The following SDR16C5 variants were observed in gnomAD, a reference collection of about 807,000 sequenced individuals.
SDR16C5 encodes short chain dehydrogenase/reductase family 16C member 5, also known as epidermal retinol dehydrogenase 2.
Under a neutral mutation model 27.7 loss-of-function variants are expected in SDR16C5, and 20 were observed. The ratio of observed to expected loss-of-function variants is 0.72; its 90% confidence interval spans 0.51 to 1.05. The LOEUF (loss-of-function observed/expected upper bound fraction) is 1.05, where lower values mean the gene tolerates loss of function less well. SDR16C5 is among the 50% of genes least tolerant of loss of function. The pLI, the probability that SDR16C5 is intolerant of heterozygous loss-of-function variation, is 0.00. For synonymous variants in SDR16C5, 139 were observed against 132.3 expected (o/e 1.05, Z -0.35); for missense variants, 374 against 366.3 (o/e 1.02, Z -0.17).
In SDR16C5 at chr8:56,301,495, T is replaced by C; in HGVS notation, c.915A>G (p.Gln305=). 1 of 1,613,848 alleles carries C rather than the reference T, an allele frequency of 6.2e-7. No homozygotes were observed. Among genetic ancestry groups the C allele is most frequent in the East Asian group, 2.2e-5 (1 of 44,886 alleles). ...ILHAMDGFVD[Q]KKKL ...GAGTTGGTCTTTAGAGCTTCTTCTT[T>C]TGGTCAACAAAGCCATCCATTGCAT... Residue 305 remains glutamine, a synonymous_variant, in exon 7 of 7, where the codon CAA becomes CAG. Coordinates refer to ENST00000303749, the MANE Select transcript of SDR16C5 (RefSeq NM_138969.4).
intron 1 of SDR16C5, among the ~76,000 whole-genome samples, chr8:56,317,509 C>A (rs1815231257): frequency 6.6e-6 from 1 of 152,164 alleles, no homozygotes; most frequent in South Asian, 2.1e-4. Context: ...GGGTGGGAGC[C>A]TTCTCTGAAT....
rs1815183481 is a variant in SDR16C5, at chr8:56,316,003, C to A, written c.333+12G>T. On this transcript the variant is annotated intron_variant, in intron 2 of 6. Coordinates refer to ENST00000303749, the MANE Select transcript of SDR16C5 (RefSeq NM_138969.4). Reference sequence around the variant, plus strand: ...GTGTATCAAATTATAATAGTAAACACACAAGAGTTACCTGGTCGGCTACTC... The same window carrying A: ...GTGTATCAAATTATAATAGTAAACAAACAAGAGTTACCTGGTCGGCTACTC... 1.3e-6 allele frequency: 2 copies of A among 1,582,704 alleles called. No homozygotes were observed. Among genetic ancestry groups the A allele is most frequent in the African/African-American group, 2.7e-5 (2 of 74,158 alleles).
At position 56,305,700 on chromosome 8, in the gene SDR16C5, G is replaced by A. The variant is rs374563478; in HGVS notation, c.733C>T (p.Leu245=). Residue 245 remains leucine (L), a synonymous_variant, in exon 6 of 7, where the codon CTG becomes TTG. Coordinates refer to ENST00000303749, the MANE Select transcript of SDR16C5 (RefSeq NM_138969.4). ...TTGCPSLLPI[L]EPKYAVEKIV... ...TTTTCAACTGCATATTTTGGTTCCA[G>A]AATTGGCAACAGAGAAGGACAGCTA... 2 of 1,594,444 alleles carry A rather than the reference G, an allele frequency of 1.3e-6. No homozygotes were observed. The highest frequency in any genetic ancestry group is 1.7e-6 in the Non-Finnish European group (2 of 1,173,920).
At chr8:56,306,510 A>G (rs1258354280) in intron 5 of SDR16C5, among the ~76,000 whole-genome samples, 166 bp downstream of exon 5, 1 of 152,194 alleles carries the variant, frequency 6.6e-6, no homozygotes, top group East Asian at 1.9e-4. Flanking sequence ...TCAACTTGGT[A>G]TCCTTCACAC....
chr8:56,303,666 TA>T (rs1361125341), intron 6 of SDR16C5, among the ~76,000 whole-genome samples: 2 of 152,240 alleles, frequency 1.3e-5, no homozygotes. Context: ...ACCTTGCCTT[TA>T]GCTTACTCAG....
chr8:56,318,802 C>G (rs1030929332), intron 1 of SDR16C5, among the ~76,000 whole-genome samples: 2 of 152,156 alleles, frequency 1.3e-5, no homozygotes, highest in African/African-American at 4.8e-5. Flanking sequence ...TACTAGATTT[C>G]TAAGAGCTTG....
At chr8:56,307,817 G>T (rs1314845420) in intron 4 of SDR16C5, among the ~76,000 whole-genome samples, 1 of 152,198 alleles carries the variant, frequency 6.6e-6, no homozygotes, top group African/African-American at 2.4e-5. Flanking sequence ...TGGTTCTGAT[G>T]CAGGGGAGTA....
In SDR16C5 at chr8:56,306,754, T is replaced by C. The variant is rs755254573; in HGVS notation, c.632A>G (p.Gln211Arg). Residue 211 changes from glutamine to arginine, a missense_variant, in exon 5 of 7, where the codon CAA becomes CGA. By Grantham distance (43) the Gln-to-Arg change is conservative (BLOSUM62 1). Transcript: ENST00000303749. ...CGTGGTTTTGATCCCCTTTTGTTTT[T>C]GGACAAATGTTTCTACAAATACAGA... is the stretch of plus-strand genomic sequence containing the variant. The part of the protein sequence containing the change: ...AESVFVETFV[Q>R]KQKGIKTTIV... The C allele has an allele frequency of 1.9e-6, 3 of 1,613,594 alleles. No homozygotes were observed. Among genetic ancestry groups the C allele is most frequent in the South Asian group, 2.2e-5 (2 of 90,854 alleles).
intron 6 of SDR16C5, 124 bp downstream of exon 6, chr8:56,305,473 C>T (rs1385528122): frequency 2.3e-6 from 2 of 875,212 alleles, no homozygotes; most frequent in African/African-American, 1.8e-5. Context: ...ACTAACAGGA[C>T]TTAATAGAAT....
chr8:56,301,895 G>C (rs779809786), intron 6 of SDR16C5, among the ~76,000 whole-genome samples: 27 of 152,182 alleles, frequency 1.8e-4, no homozygotes, highest in Non-Finnish European at 3.5e-4. Flanking sequence ...TTTGGGGGCA[G>C]ATGAGCCTGG....
At position 56,308,978 on chromosome 8, in the gene SDR16C5, A is replaced by G; in HGVS notation, c.515T>C (p.Leu172Ser). The stretch of plus-strand genomic sequence containing the variant: ...TCCAGCTGAACTTGAAATGCAAACC[A>G]AATGTCCATGGTCATTAGCAATCAT... ...PAMIANDHGH[L>S]VCISSSAGLS... Residue 172 changes from leucine to serine, a missense_variant, in exon 4 of 7, where the codon TTG becomes TCG. Transcript: ENST00000303749. The G allele has an allele frequency of 6.2e-7, 1 of 1,613,098 alleles. No individual in the cohort carries two copies. Among genetic ancestry groups the G allele is most frequent in the Non-Finnish European group, 8.5e-7 (1 of 1,179,584 alleles).
rs1814902218 is a variant in SDR16C5, at chr8:56,306,955, T to C, written c.566-135A>G. 4.7e-5 allele frequency: 35 copies of C among 743,582 alleles called. 1 individual carries two copies. In the South Asian group the frequency reaches 7.1e-4, roughly 15 times the overall value. 46.1% of individuals were successfully genotyped at this position (743,582 alleles called of 1,614,324 possible). A position where few individuals can be genotyped will look rare whatever the true frequency, so the allele number is the denominator to read the frequency against. ...CTCCTTTTGTGTAATCTTGGTCTAC[T>C]CCCACTGGAAGAAGTGAGCAGGGAG... On this transcript the variant is annotated intron_variant, in intron 4 of 6. Transcript: ENST00000303749.
intron 3 of SDR16C5, 35 bp from the exon 4 acceptor site, chr8:56,309,062 G>A (rs1814958709): frequency 2.8e-6 from 4 of 1,435,462 alleles, no homozygotes; most frequent in Middle Eastern, 3.6e-4. Flanking sequence ...AATGTTTAAT[G>A]CCACATTGTA....
chr8:56,310,819 C>A (rs1815027998), intron 3 of SDR16C5, among the ~76,000 whole-genome samples: 1 of 151,708 alleles, frequency 6.6e-6, no homozygotes, highest in Non-Finnish European at 1.5e-5. Flanking sequence ...TAAGCAAGCA[C>A]CAAGGAGAGG....
intron 1 of SDR16C5, among the ~76,000 whole-genome samples, chr8:56,318,655 A>C (rs976623846): frequency 6.6e-6 from 1 of 152,192 alleles, no homozygotes; most frequent in South Asian, 2.1e-4. Flanking sequence ...AGTGGCCAGA[A>C]GTCTCAACAT....
In SDR16C5 at chr8:56,316,213, G is replaced by A. The variant is rs1379257202; in HGVS notation, c.135C>T (p.Ile45=). The change falls in exon 2 of 7, where the codon ATC becomes ATT. Residue 45 remains isoleucine (I), a synonymous_variant. Coordinates refer to ENST00000303749, the MANE Select transcript of SDR16C5 (RefSeq NM_138969.4). ...TTCCGAGTCCACTTCCAGCACCTGT[G>A]ATGAGGACTATTTCACCAGCAACGT... ...RKNVAGEIVL[I]TGAGSGLGRL... is the part of the protein sequence containing the mutation. 6.2e-7 allele frequency: 1 copy of A among 1,614,176 alleles called. No individual in the cohort carries two copies. The highest frequency in any genetic ancestry group is 8.5e-7 in the Non-Finnish European group (1 of 1,180,014).
chr8:56,304,892 C>A (rs572068371), intron 6 of SDR16C5, among the ~76,000 whole-genome samples: 12 of 152,266 alleles, frequency 7.9e-5, no homozygotes, highest in African/African-American at 2.9e-4. Context: ...GCCTCAGACT[C>A]CTAAGTAGCT....
chr8:56,309,878 G>A (rs908581375), intron 3 of SDR16C5, among the ~76,000 whole-genome samples: 12 of 152,118 alleles, frequency 7.9e-5, no homozygotes, highest in African/African-American at 2.7e-4. Flanking sequence ...CAGCCTTCAG[G>A]TAGCTCTTGG....
chr8:56,315,840 G>A (rs1815178465), intron 2 of SDR16C5, among the ~76,000 whole-genome samples, 175 bp downstream of exon 2: 1 of 152,134 alleles, frequency 6.6e-6, no homozygotes, highest in Admixed American at 6.6e-5. Flanking sequence ...TACATACATG[G>A]TAGTTAGTAC....
Sources: gnomAD v4.1 joint callset for allele counts (sites outside exome capture counted in the v4.1 genomes callset) on GRCh38, gnomAD v4.1.1 for gene constraint, MANE v1.5 for transcripts, NCBI Gene and HGNC (gene_info 2026-07-23, HGNC 2026-07-21) for gene names.